CACNA1A: variants seen among roughly 807,000 people sequenced by gnomAD.
The protein encoded by CACNA1A is voltage-dependent P/Q-type calcium channel subunit alpha-1A.
In CACNA1A, 57 loss-of-function variants were observed where a neutral mutation model predicts 262.4. The ratio of observed to expected loss-of-function variants is 0.22; its 90% CI spans 0.18 to 0.27. The LOEUF is 0.27. Among genes scored for constraint, CACNA1A ranks in the 10% least tolerant of loss-of-function variants. CACNA1A has a pLI of 1.00. For synonymous variants in CACNA1A, 1,431 were observed against 1,419.3 expected (o/e 1.01, Z -0.18); for missense variants, 2,526 against 3,562.8 (o/e 0.71, Z 7.41).
In CACNA1A at chr19:13,210,600, G is replaced by A; in HGVS notation, c.6339+17C>T. 1.3e-6 allele frequency: 2 copies of A among 1,558,938 alleles called. No individual in the cohort carries two copies. Among genetic ancestry groups the A allele is most frequent in the Non-Finnish European group, 1.7e-6 (2 of 1,152,440 alleles). On this transcript the variant is annotated intron_variant, in intron 44 of 46. Transcript: ENST00000360228. ...GGGCCGGAGCCCTGCTGGGCGCTGG[G>A]CAGGCGCGGTACATACACTGAGGTT...
At chr19:13,410,184 C>T (rs1355461551) in intron 3 of CACNA1A, among the ~76,000 whole-genome samples, 2 of 151,946 alleles carry the variant, frequency 1.3e-5, no homozygotes, top group East Asian at 1.9e-4. Flanking sequence ...TGTTTTTCTC[C>T]CCTAATAGGT....
intron 22 of CACNA1A, among the ~76,000 whole-genome samples, chr19:13,280,123 C>T (rs1216264717): frequency 6.6e-6 from 1 of 151,854 alleles, no homozygotes; most frequent in Non-Finnish European, 1.5e-5. Flanking sequence ...TTACTGAGGC[C>T]AACCACTTGC....
chr19:13,489,145 G>T (rs938241767), intron 1 of CACNA1A, among the ~76,000 whole-genome samples: 10 of 150,988 alleles, frequency 6.6e-5, no homozygotes, highest in Non-Finnish European at 1.5e-4. Flanking sequence ...CCGAGTAGCT[G>T]GGACTGCGGG....
rs1314092911 is a variant in CACNA1A, at chr19:13,212,991, CCTA to C, written c.5941-254_5941-252del. Among the ~76,000 whole-genome samples, 1 of 152,146 alleles carries C rather than the reference CCTA, an allele frequency of 6.6e-6. No individual in the cohort carries two copies. Among genetic ancestry groups the C allele is most frequent in the Non-Finnish European group, 1.5e-5 (1 of 68,030 alleles). ...GGCACCTTCTCCCAGGTCTCCCGCT[CCTA>C]CCTTCAACCCCACTGTTCCACAAGA... On this transcript the variant is annotated intron_variant, in intron 40 of 46. Transcript: ENST00000360228. The surrounding 1 kb of genome is among the most constrained non-coding windows in gnomAD (Gnocchi z 5.6).
At position 13,277,262 on chromosome 19, in the gene CACNA1A, G is replaced by A. The variant is rs933501690; in HGVS notation, c.3823-134C>T. 1.9e-5 allele frequency: 12 copies of A among 624,132 alleles called. 1 individual carries two copies. The highest frequency in any genetic ancestry group is 2.7e-4 in the Middle Eastern group (1 of 3,754). 38.7% of individuals were successfully genotyped at this position (624,132 alleles called of 1,614,324 possible). ...AAACACAGCTGCTATATACAGTTGC[G>A]CAGGGCGTGCACTGCACAAGGGCCC... is the stretch of plus-strand genomic sequence containing the variant. On this transcript the variant is annotated intron_variant, in intron 22 of 46. Coordinates refer to ENST00000360228, the MANE Select transcript of CACNA1A (RefSeq NM_001127222.2).
chr19:13,384,380 T>C (rs920100713), intron 3 of CACNA1A, among the ~76,000 whole-genome samples: 2 of 152,094 alleles, frequency 1.3e-5, no homozygotes, highest in African/African-American at 4.8e-5. Context: ...GTGTGGAGAA[T>C]GGCATACCTG....
chr19:13,244,071 T>A (rs1194549869), intron 31 of CACNA1A: 2 of 152,298 alleles, frequency 1.3e-5, no homozygotes, highest in Non-Finnish European at 2.9e-5. Context: ...TCTGCCTGCT[T>A]GGGCCCTGGT....
intron 24 of CACNA1A, chr19:13,274,175 A>C (rs2057093069): frequency 6.6e-6 from 1 of 152,140 alleles, no homozygotes; most frequent in Admixed American, 6.5e-5. Flanking sequence ...AGTGAAAGAG[A>C]AAGAGAAAGA....
intron 3 of CACNA1A, among the ~76,000 whole-genome samples, chr19:13,409,525 A>AAAT (rs1364171067): frequency 2.0e-5 from 3 of 152,028 alleles, no homozygotes; most frequent in Non-Finnish European, 4.4e-5. Flanking sequence ...ATGTCTCCTC[A>AAAT]AATAATAATA....
chr19:13,208,155 C>T (rs1265439147), intron 46 of CACNA1A, 102 bp from the exon 47 acceptor site: 8 of 127,296 alleles, frequency 6.3e-5, no homozygotes, highest in East Asian at 7.5e-4. Flanking sequence ...GGAGAGGGGC[C>T]GGGAGGAGAG....
Position 13,245,188 on chromosome 19 carries a change from C to T in CACNA1A, c.4944G>A (p.Glu1648=). 1 of 1,613,398 alleles carries T rather than the reference C, an allele frequency of 6.2e-7. No individual in the cohort carries two copies. The highest frequency in any genetic ancestry group is 8.5e-7 in the Non-Finnish European group (1 of 1,179,322). Residue 1648 remains glutamate, a synonymous_variant, in exon 31 of 47, where the codon GAG becomes GAA. Transcript: ENST00000360228. Reference sequence around the variant, plus strand: ...AAGCTGGAGGGAGACTTACCCCAAACTCAGTCACGAGGATATCGGTGATGC... The same window carrying T: ...AAGCTGGAGGGAGACTTACCCCAAATTCAGTCACGAGGATATCGGTGATGC... The part of the protein sequence containing the change: ...LGSITDILVT[E]FGNNFINLSF...
Position 13,451,780 on chromosome 19 carries a change from A to G in CACNA1A, c.539+1096T>C, listed in dbSNP as rs1382647682. On this transcript the variant is annotated intron_variant, in intron 3 of 46. Transcript: ENST00000360228. ...TGGATGATGTGGGCTGACAATGAAGAGCCACAATATGGCAAGGGTCAGGGT... is the reference window on the plus strand; with the variant it reads ...TGGATGATGTGGGCTGACAATGAAGGGCCACAATATGGCAAGGGTCAGGGT... 3 of 152,302 alleles carry G rather than the reference A, an allele frequency of 2.0e-5. No individual in the cohort carries two copies. The East Asian group carries it at 5.8e-4, about 29-fold the overall frequency. 9.4% of individuals were successfully genotyped at this position (152,302 alleles called of 1,614,324 possible).
chr19:13,249,285 A>C (rs745685997), intron 30 of CACNA1A, among the ~76,000 whole-genome samples: 7 of 152,038 alleles, frequency 4.6e-5, no homozygotes, highest in Non-Finnish European at 8.8e-5. Context: ...GCTTCTAATA[A>C]GTAGCATCTC....
chr19:13,415,773 A>AAAAAAAAAAAAAAAAAAAAAAAAAAGG, intron 3 of CACNA1A, among the ~76,000 whole-genome samples: 1 of 132,608 alleles, frequency 7.5e-6, no homozygotes, highest in East Asian at 2.4e-4. Flanking sequence ...AAAAAAAAAA[A>AAAAAAAAAAAAAAAAAAAAAAAAAAGG]GTAGATGGGG....
chr19:13,436,401 C>A (rs1197924455), intron 3 of CACNA1A, among the ~76,000 whole-genome samples: 1 of 152,212 alleles, frequency 6.6e-6, no homozygotes, highest in Non-Finnish European at 1.5e-5. Context: ...AACAACAGGA[C>A]TGGAATTAAG....
Position 13,308,747 on chromosome 19 carries a change from G to C in CACNA1A, c.1669-219C>G, listed in dbSNP as rs1163184406. The C allele has an allele frequency of 8.5e-6, 4 of 470,106 alleles. No individual in the cohort carries two copies. The highest frequency in any genetic ancestry group is 1.5e-5 in the Non-Finnish European group (4 of 263,044). The allele number at this position is 470,106 out of a possible 1,614,324, so 29.1% of individuals were successfully genotyped here. On this transcript the variant is annotated intron_variant, in intron 12 of 46. Coordinates refer to ENST00000360228, the MANE Select transcript of CACNA1A (RefSeq NM_001127222.2). The surrounding 1 kb of genome is among the most constrained non-coding windows in gnomAD (Gnocchi z 4.2). Reference sequence around the variant, plus strand: ...GCTGGAGTGCAGTGGCGCAATCATAGCTCACTGCAGCACTGTCCTCCTGGG... The same window carrying C: ...GCTGGAGTGCAGTGGCGCAATCATACCTCACTGCAGCACTGTCCTCCTGGG...
At chr19:13,255,064 G>A (rs2056508933) in intron 29 of CACNA1A, 31 bp downstream of exon 29, 10 of 1,610,846 alleles carry the variant, frequency 6.2e-6, no homozygotes, top group Admixed American at 3.3e-5. Context: ...TGGGGGTTAA[G>A]TAGTGCTGGG....
intron 34 of CACNA1A, among the ~76,000 whole-genome samples, chr19:13,233,307 A>ATTC (rs2055739484): frequency 6.6e-6 from 1 of 152,024 alleles, no homozygotes; most frequent in Admixed American, 6.6e-5. Context: ...CCGGCCCTCT[A>ATTC]TTCTTTTTTT....
chr19:13,321,314 A>G (rs1444356653), intron 10 of CACNA1A, among the ~76,000 whole-genome samples: 1 of 152,152 alleles, frequency 6.6e-6, no homozygotes, highest in Non-Finnish European at 1.5e-5. Flanking sequence ...CATTACAGGC[A>G]TGAGATACTG....
Sources: gnomAD v4.1 joint callset for allele counts (sites outside exome capture counted in the v4.1 genomes callset) on GRCh38, gnomAD v4.1.1 for gene constraint, Gnocchi (gnomAD v3.1) non-coding constraint, MANE v1.5 for transcripts, NCBI Gene and HGNC (gene_info 2026-07-23, HGNC 2026-07-21) for gene names.